ZBTB41: variants seen among roughly 807,000 people sequenced by gnomAD.
ZBTB41 encodes the protein zinc finger and BTB domain containing 41.
ZBTB41 carries 42 observed loss-of-function variants against 87.6 expected under a neutral mutation model. That is an observed-to-expected ratio of 0.48 (90% CI 0.37 to 0.62). The LOEUF (loss-of-function observed/expected upper bound fraction) is 0.62. ZBTB41 is among the 20% of genes least tolerant of loss of function. The pLI, the probability that ZBTB41 is intolerant of heterozygous loss-of-function variation, is 0.00. For synonymous variants in ZBTB41, 364 were observed against 364.0 expected (o/e 1.00, Z 0.00); for missense variants, 799 against 1,078.9 (o/e 0.74, Z 3.63).
chr1:197,195,200 T>C (rs1245314489), intron 2 of ZBTB41, among the ~76,000 whole-genome samples: 1 of 152,232 alleles, frequency 6.6e-6, no homozygotes, highest in African/African-American at 2.4e-5. Context: ...TTCCTGATCC[T>C]GAACAGAAAA....
chr1:197,189,477 G>T (rs1557985360), intron 4 of ZBTB41, among the ~76,000 whole-genome samples: 1 of 149,902 alleles, frequency 6.7e-6, no homozygotes, highest in Non-Finnish European at 1.5e-5. Context: ...AGCGAGCCAA[G>T]ATCACACCAC....
intron 6 of ZBTB41, 46 bp downstream of exon 6, chr1:197,180,942 A>C: frequency 1.3e-6 from 2 of 1,552,352 alleles, no homozygotes; most frequent in Non-Finnish European, 1.7e-6. Context: ...GATTATTTCT[A>C]CATAATAGTA....
intron 10 of ZBTB41, among the ~76,000 whole-genome samples, chr1:197,167,739 A>G (rs185303216): frequency 5.3e-5 from 8 of 152,320 alleles, no homozygotes; most frequent in Non-Finnish European, 1.0e-4. Context: ...TAGGGATAGT[A>G]ATTTCCTTAT....
At chr1:197,175,630 G>A (rs993565960) in intron 8 of ZBTB41, among the ~76,000 whole-genome samples, 3 of 151,066 alleles carry the variant, frequency 2.0e-5, no homozygotes, top group African/African-American at 7.3e-5. Context: ...AAAATTCTAC[G>A]TAAGTCCAAT....
Position 197,178,463 on chromosome 1 carries a change from G to A in ZBTB41, c.1726C>T (p.Leu576Phe). The change falls in exon 7 of 11, where the codon CTT (leucine) becomes TTT (phenylalanine). Residue 576 changes from leucine (L) to phenylalanine (F), a missense_variant. By Grantham distance (22) the Leu-to-Phe change is conservative (BLOSUM62 0). Around this residue, in one of 5 missense-constraint regions of ZBTB41, gnomAD observed 198 missense variants for 358.4 expected, o/e 0.55. Coordinates refer to ENST00000367405, the MANE Select transcript of ZBTB41 (RefSeq NM_194314.3). ...LRIHSGEKPH[L>F]CSICGQSFRH... ...AAACTTTGCCCACAAATACTACAAA[G>A]GTGAGGCTTTTCTCCACTGTGGATT... 6.2e-7 allele frequency: 1 copy of A among 1,608,238 alleles called. No homozygotes were observed. The highest frequency in any genetic ancestry group is 8.5e-7 in the Non-Finnish European group (1 of 1,177,190).
Position 197,159,795 on chromosome 1 carries a change from GA to G in ZBTB41, c.2293del (p.Ser765ProfsTer46). On this transcript the variant is annotated frameshift_variant, in exon 11 of 11. Transcript: ENST00000367405. LOFTEE classifies it high-confidence loss of function. ...PLSTSEEKLV[S>X]LPVEYSSDDK... ...ATCAGATGAGTACTCAACTGGCAAGGATACAAGTTTTTCCTCAGAAGTACTG... is the reference window on the plus strand; with the variant it reads ...ATCAGATGAGTACTCAACTGGCAAGGTACAAGTTTTTCCTCAGAAGTACTG... 6.2e-7 allele frequency: 1 copy of G among 1,613,960 alleles called. No homozygotes were observed. The highest frequency in any genetic ancestry group is 8.5e-7 in the Non-Finnish European group (1 of 1,179,894).
intron 2 of ZBTB41, among the ~76,000 whole-genome samples, chr1:197,195,763 T>C (rs1224269985): frequency 1.3e-5 from 2 of 152,158 alleles, no homozygotes; most frequent in Non-Finnish European, 2.9e-5. Flanking sequence ...ATCCACTAGG[T>C]TTTTGGTATA....
chr1:197,195,623 T>A (rs1266877703), intron 2 of ZBTB41, among the ~76,000 whole-genome samples: 3 of 152,164 alleles, frequency 2.0e-5, no homozygotes, highest in Non-Finnish European at 4.4e-5. Context: ...TAAAACATGT[T>A]CTACCTCTAG....
chr1:197,165,591 C>CA (rs1490578560), intron 10 of ZBTB41, among the ~76,000 whole-genome samples: 3 of 147,970 alleles, frequency 2.0e-5, no homozygotes, highest in Non-Finnish European at 4.4e-5. Flanking sequence ...GCCTGGGTGA[C>CA]AGAGCGAGAC....
chr1:197,167,515 T>C (rs10732295), intron 10 of ZBTB41, among the ~76,000 whole-genome samples: 115,672 of 151,990 alleles, frequency 0.76, 48,090 homozygotes, highest in East Asian at 0.98. Flanking sequence ...GGATATATTA[T>C]ATCTTCAATA....
At chr1:197,176,190 C>A (rs1659602836) in intron 8 of ZBTB41, among the ~76,000 whole-genome samples, 1 of 151,986 alleles carries the variant, frequency 6.6e-6, no homozygotes, top group Non-Finnish European at 1.5e-5. Flanking sequence ...GTAAGTTTCA[C>A]CAACTTCTTC....
At chr1:197,176,487 T>C in intron 8 of ZBTB41, 77 bp downstream of exon 8, 4 of 1,008,224 alleles carry the variant, frequency 4.0e-6, no homozygotes, top group South Asian at 1.5e-5. Context: ...ATAGCCAACA[T>C]AAACATAACA....
chr1:197,198,560 T>C (rs752602671), intron 2 of ZBTB41, among the ~76,000 whole-genome samples: 1 of 152,176 alleles, frequency 6.6e-6, no homozygotes, highest in Non-Finnish European at 1.5e-5. Context: ...GGAAGCTTAA[T>C]TGTTGCAACT....
intron 6 of ZBTB41, among the ~76,000 whole-genome samples, chr1:197,178,891 A>G (rs560161727): frequency 5.9e-5 from 9 of 152,260 alleles, no homozygotes; most frequent in Admixed American, 5.9e-4. Context: ...TATTTCTTCC[A>G]AATATGTGCT....
chr1:197,197,731 G>A (rs866441630), intron 2 of ZBTB41, among the ~76,000 whole-genome samples: 3 of 152,144 alleles, frequency 2.0e-5, no homozygotes, highest in Non-Finnish European at 2.9e-5. Context: ...AGTATCTTGC[G>A]GTAAAATGAT....
At chr1:197,170,443 G>A (rs923496762) in intron 10 of ZBTB41, among the ~76,000 whole-genome samples, 1 of 152,070 alleles carries the variant, frequency 6.6e-6, no homozygotes, top group South Asian at 2.1e-4. Context: ...CTGCTTCCTT[G>A]ATAAAGATAC....
intron 3 of ZBTB41, among the ~76,000 whole-genome samples, 190 bp downstream of exon 3, chr1:197,191,502 A>G (rs1036932100): frequency 3.3e-5 from 5 of 151,950 alleles, no homozygotes; most frequent in African/African-American, 1.2e-4. Context: ...ATCAGAGTAT[A>G]AAAACCACAT....
intron 10 of ZBTB41, among the ~76,000 whole-genome samples, chr1:197,168,598 T>C (rs1283493391): frequency 1.3e-5 from 2 of 151,980 alleles, no homozygotes; most frequent in Non-Finnish European, 2.9e-5. Context: ...CTTTACCTAA[T>C]AACAAACAAA....
intron 5 of ZBTB41, among the ~76,000 whole-genome samples, chr1:197,182,413 A>C (rs890021339): frequency 2.6e-5 from 4 of 151,984 alleles, no homozygotes; most frequent in Admixed American, 6.6e-5. Context: ...GGCTCAAGCA[A>C]TCCTTCCACT....
Sources: gnomAD v4.1 joint callset for allele counts (sites outside exome capture counted in the v4.1 genomes callset) on GRCh38, gnomAD v4.1.1 for gene constraint, gnomAD v4.1.1 regional missense constraint, MANE v1.5 for transcripts, NCBI Gene and HGNC (gene_info 2026-07-23, HGNC 2026-07-21) for gene names.